The following SYN3 variants were observed in gnomAD, a reference collection of about 807,000 sequenced individuals.
The protein encoded by SYN3 is synapsin-3.
In SYN3, 35 loss-of-function variants were observed where a neutral mutation model predicts 65.8. The observed-to-expected ratio is 0.53, with a 90% confidence interval of 0.41 to 0.70. The LOEUF (loss-of-function observed/expected upper bound fraction) is 0.70, where lower values mean the gene tolerates loss of function less well. Ranked by LOEUF, SYN3 falls within the 30% of genes least tolerant of loss-of-function variation. The probability of loss-of-function intolerance (pLI) is 0.00; values close to 1 mark genes in which losing one functional copy is unlikely to be tolerated. For synonymous variants in SYN3, 270 were observed against 292.9 expected (o/e 0.92, Z 0.80); for missense variants, 680 against 749.0 (o/e 0.91, Z 1.08).
chr22:32,513,789 G>A lies in SYN3; in HGVS notation c.1646C>T (p.Ser549Phe). 6.2e-7 allele frequency: 1 copy of A among 1,614,204 alleles called. No homozygotes were observed. ...TGGGGTCCCACGCTGGGAGGTGTCG[G>A]ATGTGCTGAGGCTGTTAGTCAGGGA... ...SQSLTNSLST[S>F]DTSQRGTPSE... The change falls in exon 14 of 14, where the codon TCC becomes TTC. Residue 549 changes from serine to phenylalanine, a missense_variant. By Grantham distance (155) the Ser-to-Phe change is radical. Transcript: ENST00000358763.
intron 6 of SYN3, among the ~76,000 whole-genome samples, chr22:32,624,059 G>A (rs1040167346): frequency 6.6e-6 from 1 of 152,226 alleles, no homozygotes; most frequent in African/African-American, 2.4e-5. Flanking sequence ...AATCCTCGGA[G>A]GCCCTTGCCA....
At chr22:32,602,380 C>T (rs554385258) in intron 6 of SYN3, among the ~76,000 whole-genome samples, 3 of 152,306 alleles carry the variant, frequency 2.0e-5, no homozygotes, top group East Asian at 1.9e-4. Context: ...TATCTCTTAA[C>T]GTCACACTGT....
chr22:32,597,204 CTTTTTTTTTTTTTTTTT>C (rs6147592), intron 6 of SYN3, among the ~76,000 whole-genome samples: 4 of 87,372 alleles, frequency 4.6e-5, no homozygotes, highest in Admixed American at 3.4e-4. Context: ...ACATTATTCT[CTTTTTTTTTTTTTTTTT>C]TTTTTTTTTT....
intron 6 of SYN3, among the ~76,000 whole-genome samples, chr22:32,602,818 C>T (rs2059304627): frequency 6.6e-6 from 1 of 152,224 alleles, no homozygotes; most frequent in South Asian, 2.1e-4. Flanking sequence ...GCACTGGTTT[C>T]CTATTAATAG....
chr22:32,851,669 A>G (rs986975890), intron 6 of SYN3, among the ~76,000 whole-genome samples: 5 of 152,226 alleles, frequency 3.3e-5, no homozygotes, highest in Non-Finnish European at 5.9e-5. Context: ...CAAGCATTTA[A>G]CTAAGGGCAG....
At chr22:33,017,707 G>A (rs769707743) in intron 1 of SYN3, among the ~76,000 whole-genome samples, 9 of 150,478 alleles carry the variant, frequency 6.0e-5, no homozygotes, top group Non-Finnish European at 1.0e-4. Context: ...TGATTTTTGC[G>A]TGTTGATTTC....
At chr22:32,768,509 C>G (rs1002445653) in intron 6 of SYN3, among the ~76,000 whole-genome samples, 6 of 152,294 alleles carry the variant, frequency 3.9e-5, no homozygotes, top group Admixed American at 6.5e-5. Flanking sequence ...TATCCCAGAC[C>G]TCCTTCTGAG....
chr22:32,592,208 T>C (rs1012710895), intron 7 of SYN3, among the ~76,000 whole-genome samples: 4 of 152,214 alleles, frequency 2.6e-5, no homozygotes, highest in African/African-American at 9.7e-5. Context: ...TCTTATGTAC[T>C]GTGGATGTCT....
intron 2 of SYN3, among the ~76,000 whole-genome samples, chr22:32,983,170 G>A (rs1030928597): frequency 6.6e-6 from 1 of 152,140 alleles, no homozygotes; most frequent in African/African-American, 2.4e-5. Context: ...GACGGAGACA[G>A]CTCTTTGCTT....
At chr22:32,784,929 A>T (rs2046154316) in intron 6 of SYN3, 1 of 152,204 alleles carries the variant, frequency 6.6e-6, no homozygotes, top group African/African-American at 2.4e-5. Flanking sequence ...TGCACAAAGC[A>T]CTGGGCTGGA....
At chr22:32,964,845 G>GACCTTTTATTATTGCCAAGTT (rs1290198917) in intron 3 of SYN3, among the ~76,000 whole-genome samples, 159 of 152,286 alleles carry the variant, frequency 1.0e-3, no homozygotes, top group Non-Finnish European at 1.4e-3. Context: ...GTCTGGTGCT[G>GACCTTTTATTATTGCCAAGTT]ACCTTTTATT....
intron 1 of SYN3, among the ~76,000 whole-genome samples, chr22:33,013,581 T>C (rs1601905765): frequency 6.6e-6 from 1 of 152,270 alleles, no homozygotes; most frequent in Middle Eastern, 3.4e-3. Flanking sequence ...AATCTACTCT[T>C]TTAGCAATTT....
intron 1 of SYN3, among the ~76,000 whole-genome samples, chr22:33,046,667 C>A (rs1216670647): frequency 1.3e-5 from 2 of 151,884 alleles, no homozygotes; most frequent in African/African-American, 4.8e-5. Flanking sequence ...ATGGTAAAAC[C>A]CTGTCTTTAC....
intron 3 of SYN3, among the ~76,000 whole-genome samples, chr22:32,975,750 C>T (rs987377154): frequency 6.6e-6 from 1 of 152,220 alleles, no homozygotes; most frequent in Non-Finnish European, 1.5e-5. Flanking sequence ...TCATAAGTCA[C>T]TAGTAAGAAG....
intron 3 of SYN3, among the ~76,000 whole-genome samples, chr22:32,936,352 C>T (rs1035212452): frequency 2.0e-5 from 3 of 152,124 alleles, no homozygotes; most frequent in Admixed American, 6.6e-5. Context: ...AGTTTCCAGG[C>T]AGCAGAACAG....
At chr22:32,768,584 T>A (rs1481308852) in intron 6 of SYN3, among the ~76,000 whole-genome samples, 1 of 152,192 alleles carries the variant, frequency 6.6e-6, no homozygotes, top group African/African-American at 2.4e-5. Flanking sequence ...CCATGGGCAT[T>A]TCAAATATAT....
intron 6 of SYN3, among the ~76,000 whole-genome samples, chr22:32,820,353 C>CGTGTGTGTGTGTGT (rs35230068): frequency 3.5e-5 from 5 of 141,694 alleles, no homozygotes; most frequent in African/African-American, 1.3e-4. Flanking sequence ...CATTCCACTG[C>CGTGTGTGTGTGTGT]GTGTGTGTGT....
At chr22:32,860,919 T>C (rs1321098060) in intron 6 of SYN3, 1 of 151,356 alleles carries the variant, frequency 6.6e-6, no homozygotes, top group East Asian at 1.9e-4. Context: ...TTGTGTTTTT[T>C]TTTTTTTTTT....
rs539425580 is a variant in SYN3 at position 32,542,803 on chromosome 22, C to T, written c.775-1090G>A. On this transcript the variant is annotated intron_variant, in intron 7 of 13. Transcript: ENST00000358763. ...TCCCAGGAGAGCTTCCAAGGCCAAG[C>T]GCAGAGGACGAGGCCAAGGCTCTAT... Among the ~76,000 whole-genome samples the T allele has an allele frequency of 2.6e-5, 4 of 151,966 alleles. No individual in the cohort carries two copies. The East Asian group carries it at 5.8e-4, about 22-fold the overall frequency.
Sources: allele counts gnomAD v4.1 joint callset (sites outside exome capture counted in the v4.1 genomes callset), GRCh38; gene constraint gnomAD v4.1.1; transcripts MANE v1.5; gene names NCBI Gene and HGNC (gene_info 2026-07-23, HGNC 2026-07-21).